Variants in PTPRR observed in about 807,000 individuals in gnomAD.
The protein encoded by PTPRR is receptor-type tyrosine-protein phosphatase R.
PTPRR carries 38 observed loss-of-function variants against 77.2 expected under a neutral mutation model. The observed-to-expected ratio is 0.49, with a 90% CI of 0.38 to 0.65. The LOEUF is 0.65. PTPRR is among the 30% of genes least tolerant of loss of function. The pLI is 0.00. For missense variants in PTPRR, 744 were observed against 799.2 expected, an observed-to-expected ratio of 0.93 and a Z score of 0.83; for synonymous variants, 299 against 283.1, an observed-to-expected ratio of 1.06 and a Z score of -0.57.
At chr12:70,731,958 G>C (rs2136885643) in intron 6 of PTPRR, among the ~76,000 whole-genome samples, 1 of 152,308 alleles carries the variant, frequency 6.6e-6, no homozygotes, top group East Asian at 1.9e-4. Context: ...ATTTTTCTAT[G>C]TATCGGATGG....
chr12:70,826,864 C>T (rs1173832196), intron 2 of PTPRR, among the ~76,000 whole-genome samples: 2 of 152,308 alleles, frequency 1.3e-5, no homozygotes, highest in East Asian at 3.9e-4. Flanking sequence ...CCCTCCTCCT[C>T]TACCCTTTAA....
chr12:70,693,428 C>T (rs749125639), intron 8 of PTPRR, among the ~76,000 whole-genome samples: 47 of 152,220 alleles, frequency 3.1e-4, no homozygotes, highest in Non-Finnish European at 4.7e-4. Context: ...TCCCAAGTAG[C>T]TGGGACCACA....
intron 2 of PTPRR, among the ~76,000 whole-genome samples, chr12:70,803,549 C>T (rs1410352109): frequency 6.6e-6 from 1 of 152,122 alleles, no homozygotes; most frequent in African/African-American, 2.4e-5. Flanking sequence ...CTCACAGGAC[C>T]ACTGGATAGG....
At chr12:70,651,522 A>G (rs1431122262) in intron 13 of PTPRR, among the ~76,000 whole-genome samples, 2 of 152,210 alleles carry the variant, frequency 1.3e-5, no homozygotes, top group African/African-American at 4.8e-5. Context: ...GCAGTTGCCG[A>G]CAACGTCACT....
intron 6 of PTPRR, among the ~76,000 whole-genome samples, chr12:70,738,628 A>G (rs778271178): frequency 1.3e-5 from 2 of 152,258 alleles, no homozygotes; most frequent in Non-Finnish European, 1.5e-5. Flanking sequence ...TTTCAGATTC[A>G]TAAGTTCTAG....
chr12:70,708,509 C>T (rs1183926419), intron 6 of PTPRR, among the ~76,000 whole-genome samples: 1 of 151,502 alleles, frequency 6.6e-6, no homozygotes, highest in African/African-American at 2.4e-5. Flanking sequence ...TAATTTTATT[C>T]AGAAAAAGGA....
At chr12:70,871,044 T>G (rs999070076) in intron 2 of PTPRR, among the ~76,000 whole-genome samples, 23 of 152,148 alleles carry the variant, frequency 1.5e-4, no homozygotes, top group African/African-American at 5.3e-4. Context: ...ACTCAAATGA[T>G]CTCAGGAGCC....
chr12:70,842,672 T>C (rs1005776793), intron 2 of PTPRR, among the ~76,000 whole-genome samples: 2 of 152,190 alleles, frequency 1.3e-5, no homozygotes, highest in East Asian at 3.9e-4. Context: ...CCTCTGTATT[T>C]CTCTTAGAAA....
At chr12:70,898,866 A>G (rs574084996) in intron 1 of PTPRR, among the ~76,000 whole-genome samples, 1 of 151,560 alleles carries the variant, frequency 6.6e-6, no homozygotes, top group Admixed American at 6.6e-5. Context: ...GAGAAACACA[A>G]ATTTCTAATA....
intron 2 of PTPRR, among the ~76,000 whole-genome samples, chr12:70,850,873 T>C (rs190015468): frequency 3.9e-5 from 6 of 152,296 alleles, no homozygotes; most frequent in Non-Finnish European, 8.8e-5. Flanking sequence ...ACAACCTCAG[T>C]ACATCTTTTG....
At chr12:70,831,963 T>C (rs1347075401) in intron 2 of PTPRR, among the ~76,000 whole-genome samples, 1 of 152,202 alleles carries the variant, frequency 6.6e-6, no homozygotes, top group Non-Finnish European at 1.5e-5. Context: ...ATGTTCACAT[T>C]CTGAAACAAA....
At chr12:70,790,933 A>G (rs529863757) in intron 2 of PTPRR, among the ~76,000 whole-genome samples, 66 of 152,200 alleles carry the variant, frequency 4.3e-4, no homozygotes, top group Admixed American at 2.9e-3. Context: ...AGTTGGTAAA[A>G]CCAGTTAGCA....
chr12:70,750,568 T>A (rs1890359255), intron 5 of PTPRR, among the ~76,000 whole-genome samples: 1 of 152,302 alleles, frequency 6.6e-6, no homozygotes, highest in Non-Finnish European at 1.5e-5. Flanking sequence ...TTTTAGATAA[T>A]CGCTTTGACA....
At chr12:70,759,175 A>G (rs1477413527) in intron 4 of PTPRR, among the ~76,000 whole-genome samples, 1 of 152,086 alleles carries the variant, frequency 6.6e-6, no homozygotes, top group Non-Finnish European at 1.5e-5. Flanking sequence ...GCCTCAACCA[A>G]TCCTCTTCTC....
At chr12:70,681,388 A>C (rs1321482583) in intron 10 of PTPRR, among the ~76,000 whole-genome samples, 1 of 152,108 alleles carries the variant, frequency 6.6e-6, no homozygotes, top group African/African-American at 2.4e-5. Flanking sequence ...CCTAAACTGG[A>C]CTCAGGGTCT....
chr12:70,693,958 C>T (rs1888141836), intron 8 of PTPRR, among the ~76,000 whole-genome samples: 1 of 151,954 alleles, frequency 6.6e-6, no homozygotes, highest in African/African-American at 2.4e-5. Flanking sequence ...CTTTGACAGA[C>T]ATTTTACACA....
At chr12:70,748,180 TCTC>T (rs1359738351) in intron 5 of PTPRR, among the ~76,000 whole-genome samples, 1 of 152,152 alleles carries the variant, frequency 6.6e-6, no homozygotes, top group African/African-American at 2.4e-5. Flanking sequence ...TGTGGTGTAA[TCTC>T]CTCATTTCAC....
chr12:70,738,187 C>T (rs1388642910), intron 6 of PTPRR, among the ~76,000 whole-genome samples: 2 of 152,128 alleles, frequency 1.3e-5, no homozygotes, highest in Non-Finnish European at 2.9e-5. Flanking sequence ...CCTAAGGAAA[C>T]CTTTAGACTC....
intron 2 of PTPRR, among the ~76,000 whole-genome samples, chr12:70,880,256 CT>C (rs1162815854): frequency 1.3e-5 from 2 of 151,816 alleles, no homozygotes; most frequent in Admixed American, 6.6e-5. Context: ...ATGAGTATCA[CT>C]TTTTTTTATA....
Sources: gnomAD v4.1 joint callset for allele counts (sites outside exome capture counted in the v4.1 genomes callset) on GRCh38, gnomAD v4.1.1 for gene constraint, MANE v1.5 for transcripts, NCBI Gene and HGNC (gene_info 2026-07-23, HGNC 2026-07-21) for gene names.